The following PRKN variants were observed in gnomAD, a reference collection of about 807,000 sequenced individuals.
PRKN encodes the protein parkin RBR E3 ubiquitin protein ligase, also known as E3 ubiquitin-protein ligase parkin.
PRKN carries 56 observed loss-of-function variants against 59.5 expected under a neutral mutation model. The observed-to-expected ratio is 0.94, with a 90% CI of 0.76 to 1.18. The LOEUF (loss-of-function observed/expected upper bound fraction) is 1.18, where lower values mean the gene tolerates loss of function less well. PRKN is among the 50% of genes most tolerant of loss of function. The pLI, the probability that PRKN is intolerant of heterozygous loss-of-function variation, is 0.00. For synonymous variants in PRKN, 250 were observed against 222.1 expected (o/e 1.13, Z -1.12); for missense variants, 657 against 596.4 (o/e 1.10, Z -1.06).
At position 161,447,468 on chromosome 6, in the gene PRKN, A is replaced by C. The variant is rs1402249510; in HGVS notation, c.1084-60591T>G. ...TGTAAAGAAGACAAGTTGGAGAATA[A>C]TCTCCCATATTCCTCTGCCATCCTT... On this transcript the variant is annotated intron_variant, in intron 9 of 11. Coordinates refer to ENST00000366898, the MANE Select transcript of PRKN (RefSeq NM_004562.3). This position sits in a 1 kb window ranked among gnomAD's most constrained non-coding sequence, Gnocchi z 4.1. 6.6e-6 allele frequency among the ~76,000 whole-genome samples: 1 copy of C among 152,164 alleles called. No individual in the cohort carries two copies. The highest frequency in any genetic ancestry group is 2.4e-5 in the African/African-American group (1 of 41,432).
intron 4 of PRKN, among the ~76,000 whole-genome samples, chr6:162,138,188 C>T (rs569671098): frequency 5.3e-5 from 8 of 152,150 alleles, no homozygotes; most frequent in African/African-American, 1.9e-4. Flanking sequence ...ATTATTTTTC[C>T]GTACATGCAT....
intron 1 of PRKN, among the ~76,000 whole-genome samples, chr6:162,608,262 T>C (rs1782002113): frequency 6.6e-6 from 1 of 152,178 alleles, no homozygotes; most frequent in Non-Finnish European, 1.5e-5. Flanking sequence ...GAGGTCCTAA[T>C]GTAGTCCCAA....
chr6:162,519,770 G>C (rs928498996), intron 1 of PRKN, among the ~76,000 whole-genome samples: 42 of 152,176 alleles, frequency 2.8e-4, no homozygotes, highest in Admixed American at 9.2e-4. Flanking sequence ...GAAATAAACT[G>C]TCTTCCTTGG....
chr6:162,336,148 G>T (rs1783834777), intron 2 of PRKN, among the ~76,000 whole-genome samples: 1 of 152,066 alleles, frequency 6.6e-6, no homozygotes, highest in South Asian at 2.1e-4. Flanking sequence ...AACACTTTCT[G>T]AAGACTGTTT....
intron 7 of PRKN, among the ~76,000 whole-genome samples, chr6:161,775,434 G>A (rs1789882228): frequency 6.6e-6 from 1 of 151,930 alleles, no homozygotes; most frequent in African/African-American, 2.4e-5. Flanking sequence ...GTAGAAAAGG[G>A]GTCTCCCTGT....
At chr6:162,403,597 C>T (rs6903035) in intron 2 of PRKN, among the ~76,000 whole-genome samples, 15,714 of 152,156 alleles carry the variant, frequency 0.1, 1,010 homozygotes, top group African/African-American at 0.18. Flanking sequence ...GTAACCCCCA[C>T]ACCTAAAACA....
At chr6:161,698,611 A>AAC (rs370212568) in intron 7 of PRKN, among the ~76,000 whole-genome samples, 16,388 of 152,076 alleles carry the variant, frequency 0.11, 2,295 homozygotes, top group African/African-American at 0.32. Context: ...TATTGGTACA[A>AAC]ACAGAATAGA....
At chr6:161,717,453 G>A (rs1787032450) in intron 7 of PRKN, among the ~76,000 whole-genome samples, 1 of 152,180 alleles carries the variant, frequency 6.6e-6, no homozygotes, top group African/African-American at 2.4e-5. Context: ...GAGAGTCAAA[G>A]GGTGGGGGTC....
intron 2 of PRKN, among the ~76,000 whole-genome samples, chr6:162,362,854 C>A (rs1785215589): frequency 6.6e-6 from 1 of 152,012 alleles, no homozygotes; most frequent in African/African-American, 2.4e-5. Context: ...CCTGGCCAGG[C>A]GCAGTGGCTC....
rs1208490435 is a variant in PRKN, at chr6:161,546,784, A to G, written c.1083+2070T>C. Among the ~76,000 whole-genome samples the G allele has an allele frequency of 6.6e-6, 1 of 152,042 alleles. No homozygotes were observed. The highest frequency in any genetic ancestry group is 6.6e-5 in the Admixed American group (1 of 15,256). ...GGGATTTGGTCCTACAAGGCACTGTAGCTTCTCTCTGTTCTCTCTTTTGGA... is the reference window on the plus strand; with the variant it reads ...GGGATTTGGTCCTACAAGGCACTGTGGCTTCTCTCTGTTCTCTCTTTTGGA... On this transcript the variant is annotated intron_variant, in intron 9 of 11. Transcript: ENST00000366898. This position sits in a 1 kb window ranked among gnomAD's most constrained non-coding sequence, Gnocchi z 4.4.
chr6:162,191,938 C>T (rs943976878), intron 4 of PRKN, among the ~76,000 whole-genome samples: 28 of 152,248 alleles, frequency 1.8e-4, no homozygotes, highest in Non-Finnish European at 8.8e-5. Flanking sequence ...AGTGCCTGAT[C>T]CCTGCCAGGA....
intron 1 of PRKN, among the ~76,000 whole-genome samples, chr6:162,581,600 A>G (rs1463469594): frequency 2.0e-5 from 3 of 152,214 alleles, no homozygotes; most frequent in Admixed American, 2.0e-4. Context: ...GTCTCTACTA[A>G]AAATACAAAA....
rs1779360282 is a variant in PRKN at position 161,936,456 on chromosome 6, G to C, written c.734+36846C>G. Among the ~76,000 whole-genome samples, 3 of 152,154 alleles carry C rather than the reference G, an allele frequency of 2.0e-5. No individual in the cohort carries two copies. The South Asian group carries it at 6.2e-4, about 32-fold the overall frequency. Reference sequence around the variant, plus strand: ...CATCTCCTGACCTCGTGATCCACCTGCCTTTGCCTCCCAAAGTGCTGGGAT... The same window carrying C: ...CATCTCCTGACCTCGTGATCCACCTCCCTTTGCCTCCCAAAGTGCTGGGAT... On this transcript the variant is annotated intron_variant, in intron 6 of 11. Coordinates refer to ENST00000366898, the MANE Select transcript of PRKN (RefSeq NM_004562.3).
chr6:162,267,290 C>G (rs1046187952), intron 2 of PRKN: 11 of 151,942 alleles, frequency 7.2e-5, no homozygotes, highest in African/African-American at 2.7e-4. Flanking sequence ...AGAAGCGGTG[C>G]CTTTGACAGA....
chr6:162,687,739 T>A (rs1562497779), intron 1 of PRKN, among the ~76,000 whole-genome samples: 1 of 152,200 alleles, frequency 6.6e-6, no homozygotes, highest in Non-Finnish European at 1.5e-5. Context: ...GTTACTTTTT[T>A]ATACAAGCCA....
chr6:162,031,439 C>T (rs1783634166), intron 5 of PRKN, among the ~76,000 whole-genome samples: 1 of 151,790 alleles, frequency 6.6e-6, no homozygotes, highest in Admixed American at 6.6e-5. Flanking sequence ...GCAAGAGCAG[C>T]ATTTATAGTC....
At chr6:162,344,529 G>A (rs894857595) in intron 2 of PRKN, among the ~76,000 whole-genome samples, 4 of 151,936 alleles carry the variant, frequency 2.6e-5, no homozygotes, top group East Asian at 1.9e-4. Flanking sequence ...CCAAACCAAG[G>A]TCACCCCCAT....
intron 2 of PRKN, among the ~76,000 whole-genome samples, chr6:162,280,508 AGGCCAGGCAT>A (rs1169784639): frequency 6.6e-6 from 1 of 152,046 alleles, no homozygotes; most frequent in Non-Finnish European, 1.5e-5. Context: ...AAAAGCTAAA[AGGCCAGGCAT>A]GGTGGCTCAC....
At chr6:161,991,955 A>G (rs1453313024) in intron 5 of PRKN, among the ~76,000 whole-genome samples, 3 of 152,238 alleles carry the variant, frequency 2.0e-5, no homozygotes, top group Non-Finnish European at 4.4e-5. Context: ...AAGGATAGAA[A>G]AAGTCATTCC....
Sources: gnomAD v4.1 joint callset for allele counts (sites outside exome capture counted in the v4.1 genomes callset) on GRCh38, gnomAD v4.1.1 for gene constraint, Gnocchi (gnomAD v3.1) non-coding constraint, MANE v1.5 for transcripts, NCBI Gene and HGNC (gene_info 2026-07-23, HGNC 2026-07-21) for gene names.